SPATA1: variants seen among roughly 807,000 people sequenced by gnomAD.
SPATA1 encodes spermatogenesis-associated protein 1.
Under a neutral mutation model 59.6 loss-of-function variants are expected in SPATA1, and 57 were observed. The ratio of observed to expected loss-of-function variants is 0.96; its 90% CI spans 0.77 to 1.19. The LOEUF (loss-of-function observed/expected upper bound fraction) is 1.19, where lower values mean the gene tolerates loss of function less well. Ranked by LOEUF, SPATA1 falls within the 50% of genes most tolerant of loss-of-function variation. The pLI, the probability that SPATA1 is intolerant of heterozygous loss-of-function variation, is 0.00. For synonymous variants in SPATA1, 147 were observed against 163.9 expected (o/e 0.90, Z 0.79); for missense variants, 448 against 480.7 (o/e 0.93, Z 0.64).
At position 84,548,819 on chromosome 1, in the gene SPATA1, CAAAG is replaced by C. The variant is rs1167675188; in HGVS notation, c.985_988del (p.Lys329SerfsTer9). The C allele has an allele frequency of 3.1e-6, 3 of 976,080 alleles. No homozygotes were observed. Among genetic ancestry groups the C allele is most frequent in the East Asian group, 1.6e-4 (2 of 12,122 alleles). 60.5% of individuals were successfully genotyped at this position (976,080 alleles called of 1,614,324 possible). On this transcript the variant is annotated frameshift_variant, in exon 11 of 13. Coordinates refer to ENST00000490879, the Ensembl canonical transcript of SPATA1. LOFTEE classifies it high-confidence loss of function. ...GGTTGGAAGAAAAAATACTTGGAAA[CAAAG>C]AAAGTCACAGCATCAATGGAGGAGG...
intron 6 of SPATA1, among the ~76,000 whole-genome samples, chr1:84,529,220 C>A (rs1683358598): frequency 6.6e-6 from 1 of 151,988 alleles, no homozygotes; most frequent in Non-Finnish European, 1.5e-5. Context: ...ATAAGTAATT[C>A]TTTTCGATAG....
At chr1:84,560,212 A>AC (rs1425715322) in intron 4 of SPATA1, among the ~76,000 whole-genome samples, 1 of 151,914 alleles carries the variant, frequency 6.6e-6, no homozygotes, top group Non-Finnish European at 1.5e-5. Context: ...TTTCCCCAAA[A>AC]CCAGCCATAA....
At chr1:84,555,468 G>T (rs1255430883), downstream of SPATA1, among the ~76,000 whole-genome samples, 1 of 152,158 alleles carries the variant, frequency 6.6e-6, no homozygotes, top group Non-Finnish European at 1.5e-5. Context: ...ATTTATCAGG[G>T]TATTTCGTTC....
chr1:84,526,185 A>G (rs560245145), intron 6 of SPATA1, 112 bp downstream of exon 6: 1 of 834,710 alleles, frequency 1.2e-6, no homozygotes, highest in African/African-American at 1.7e-5. Flanking sequence ...AGGCAGTTTA[A>G]AAAGAAAGCT....
intron 8 of SPATA1, among the ~76,000 whole-genome samples, chr1:84,538,509 A>G (rs1024373732): frequency 6.6e-5 from 10 of 152,216 alleles, no homozygotes; most frequent in Non-Finnish European, 1.5e-4. Context: ...AAGCTGCAAG[A>G]AAATTTAGGA....
intron 8 of SPATA1, among the ~76,000 whole-genome samples, chr1:84,536,191 A>T (rs1017996361): frequency 1.3e-5 from 2 of 152,258 alleles, no homozygotes; most frequent in African/African-American, 2.4e-5. Context: ...AGCAGGAATG[A>T]AAGAATATAA....
At chr1:84,522,017 T>C (rs1683048277) in intron 3 of SPATA1, among the ~76,000 whole-genome samples, 1 of 152,190 alleles carries the variant, frequency 6.6e-6, no homozygotes, top group Non-Finnish European at 1.5e-5. Flanking sequence ...CCTGCCAAAC[T>C]TCCAAAATAA....
chr1:84,517,345 G>C (rs978894825), intron 2 of SPATA1, among the ~76,000 whole-genome samples: 3 of 151,980 alleles, frequency 2.0e-5, no homozygotes, highest in Non-Finnish European at 2.9e-5. Flanking sequence ...CTCATTCCTT[G>C]GTGATCTCAT....
rs181371460 is a variant in SPATA1 at position 84,545,393 on chromosome 1, T to C, written c.821-241T>C. Among the ~76,000 whole-genome samples the C allele has an allele frequency of 5.3e-5, 8 of 152,080 alleles. No individual in the cohort carries two copies. In the East Asian group the frequency reaches 1.5e-3, roughly 29 times the overall value. On this transcript the variant is annotated intron_variant, in intron 9 of 12. Transcript: ENST00000490879. ...TTGAGCTTTACCTAGTTTCTACACATATATGAAATGCAGAAAAAACACACT... is the reference window on the plus strand; with the variant it reads ...TTGAGCTTTACCTAGTTTCTACACACATATGAAATGCAGAAAAAACACACT...
chr1:84,547,142 G>T (rs937802639), intron 10 of SPATA1, among the ~76,000 whole-genome samples: 4 of 152,194 alleles, frequency 2.6e-5, no homozygotes, highest in Non-Finnish European at 5.9e-5. Context: ...CCTGAAAGTG[G>T]TGGCAATGAG....
intron 4 of SPATA1, among the ~76,000 whole-genome samples, chr1:84,523,120 G>T (rs113647569): frequency 0.037 from 5,582 of 152,024 alleles, 355 homozygotes; most frequent in African/African-American, 0.13. Context: ...GGCCAGACTG[G>T]TCTCAAATTC....
At chr1:84,523,329 G>T (rs74095436) in intron 4 of SPATA1, among the ~76,000 whole-genome samples, 27,433 of 152,056 alleles carry the variant, frequency 0.18, 2,558 homozygotes, top group South Asian at 0.31. Context: ...GATCTCAAAG[G>T]TTCTGGTCTC....
chr1:84,543,843 A>C (rs1487110620), intron 8 of SPATA1, among the ~76,000 whole-genome samples: 1 of 152,210 alleles, frequency 6.6e-6, no homozygotes, highest in African/African-American at 2.4e-5. Flanking sequence ...TTTCTAAGCA[A>C]ATATAATCAA....
At chr1:84,513,290 C>T (rs1482852607) in intron 1 of SPATA1, among the ~76,000 whole-genome samples, 1 of 152,204 alleles carries the variant, frequency 6.6e-6, no homozygotes, top group East Asian at 1.9e-4. Context: ...CATGGGCCAC[C>T]ATGCCCAGCT....
rs572277753 is a variant in SPATA1, at chr1:84,518,735, C to T, written c.37-1850C>T. Among the ~76,000 whole-genome samples the T allele has an allele frequency of 6.6e-5, 10 of 151,932 alleles. No homozygotes were observed. In the East Asian group the frequency reaches 1.9e-3, roughly 29 times the overall value. Reference sequence around the variant, plus strand: ...TTTTATCTCTTTCTGGAACTCTTTCCCTCTAGATCTTCACTTGGCTAATTC... The same window carrying T: ...TTTTATCTCTTTCTGGAACTCTTTCTCTCTAGATCTTCACTTGGCTAATTC... On this transcript the variant is annotated intron_variant, in intron 2 of 12. Transcript: ENST00000490879.
chr1:84,566,544 C>G (rs1267275531), downstream of SPATA1, among the ~76,000 whole-genome samples: 1 of 152,058 alleles, frequency 6.6e-6, no homozygotes, highest in Non-Finnish European at 1.5e-5. Context: ...GTCTTACGGC[C>G]TACAGGTATA....
At position 84,526,120 on chromosome 1, in the gene SPATA1, A is replaced by G; in HGVS notation, c.544+47A>G. 3 of 1,496,514 alleles carry G rather than the reference A, an allele frequency of 2.0e-6. No homozygotes were observed. The South Asian group carries it at 3.6e-5, about 18-fold the overall frequency. 92.7% of individuals were successfully genotyped at this position (1,496,514 alleles called of 1,614,324 possible). On this transcript the variant is annotated intron_variant, in intron 6 of 12. Transcript: ENST00000490879. Reference sequence around the variant, plus strand: ...AAAAAGAAAGAGGCTATTATAGTACATTTTAGCAGTCAAGTCTGTAAGCAA... The same window carrying G: ...AAAAAGAAAGAGGCTATTATAGTACGTTTTAGCAGTCAAGTCTGTAAGCAA...
intron 4 of SPATA1, among the ~76,000 whole-genome samples, chr1:84,561,929 A>T (rs1684603791): frequency 6.6e-6 from 1 of 152,194 alleles, no homozygotes; most frequent in Non-Finnish European, 1.5e-5. Context: ...AATTCATGTC[A>T]CTTGCTTTAT....
At chr1:84,545,815 T>C (rs1684067086) in intron 10 of SPATA1, 56 bp downstream of exon 10, 1 of 1,229,790 alleles carries the variant, frequency 8.1e-7, no homozygotes, top group African/African-American at 1.6e-5. Context: ...TTTTACAGAA[T>C]TGATCCTTTT....
Sources: gnomAD v4.1 joint callset for allele counts (sites outside exome capture counted in the v4.1 genomes callset) on GRCh38, gnomAD v4.1.1 for gene constraint, MANE v1.5 for transcripts, NCBI Gene and HGNC (gene_info 2026-07-23, HGNC 2026-07-21) for gene names.